Variants in GLIPR2 observed in about 807,000 individuals in gnomAD.
GLIPR2 encodes Golgi-associated plant pathogenesis-related protein 1.
A neutral mutation model predicts 20.4 loss-of-function variants in GLIPR2; 21 were observed. The observed-to-expected ratio is 1.03, with a 90% CI of 0.73 to 1.48. GLIPR2 has a LOEUF of 1.48. Among genes scored for constraint, GLIPR2 ranks in the 40% most tolerant of loss-of-function variants. The pLI, the probability that GLIPR2 is intolerant of heterozygous loss-of-function variation, is 0.00. For synonymous variants in GLIPR2, 91 were observed against 80.5 expected (o/e 1.13, Z -0.70); for missense variants, 205 against 200.1 (o/e 1.02, Z -0.15).
At chr9:36,139,244 G>C (rs1328444348) in intron 1 of GLIPR2, among the ~76,000 whole-genome samples, 1 of 152,070 alleles carries the variant, frequency 6.6e-6, no homozygotes, top group African/African-American at 2.4e-5. Flanking sequence ...TCTCACTCAG[G>C]AGAGGAGGGG....
At chr9:36,147,972 G>A (rs1390958204) in intron 2 of GLIPR2, 78 bp downstream of exon 2, 3 of 785,376 alleles carry the variant, frequency 3.8e-6, no homozygotes, top group Non-Finnish European at 7.0e-6. Context: ...CTGTGGCCAG[G>A]CACGATGGCT....
chr9:36,158,925 C>T (rs752410694), intron 4 of GLIPR2, among the ~76,000 whole-genome samples: 1 of 152,120 alleles, frequency 6.6e-6, no homozygotes, highest in African/African-American at 2.4e-5. Flanking sequence ...ATTAGCTGGG[C>T]GTGATGGTGC....
At chr9:36,142,675 C>G (rs955995312) in intron 1 of GLIPR2, among the ~76,000 whole-genome samples, 2 of 152,140 alleles carry the variant, frequency 1.3e-5, no homozygotes, top group Admixed American at 1.3e-4. Context: ...CTCTCCCTGC[C>G]TAACTGGGAG....
intron 4 of GLIPR2, among the ~76,000 whole-genome samples, chr9:36,156,382 G>T (rs866236310): frequency 0.019 from 1,248 of 67,186 alleles, 21 homozygotes; most frequent in African/African-American, 0.064. Flanking sequence ...GTGAAGCCAT[G>T]TCTAAAAAAA....
At chr9:36,161,881 C>T (rs1826068575) in intron 4 of GLIPR2, among the ~76,000 whole-genome samples, 1 of 152,106 alleles carries the variant, frequency 6.6e-6, no homozygotes, top group African/African-American at 2.4e-5. Flanking sequence ...ATAGAAAGGA[C>T]CTGCTTTAGA....
At chr9:36,146,630 T>C (rs915809117) in intron 1 of GLIPR2, among the ~76,000 whole-genome samples, 4 of 152,238 alleles carry the variant, frequency 2.6e-5, no homozygotes, top group Non-Finnish European at 5.9e-5. Context: ...ATAGGATAGA[T>C]ACTCTCATTC....
In GLIPR2 at chr9:36,162,763, G is replaced by C. The variant is rs899423807; in HGVS notation, c.*241G>C. The stretch of plus-strand genomic sequence containing the variant: ...ACCTAGACCACGATTATTTGGATTG[G>C]GGGGAGGGGGGATCCGTTTTTTTTT... On this transcript the variant is annotated 3_prime_UTR_variant, in exon 5 of 5. Transcript: ENST00000377960. 9.9e-5 allele frequency: 58 copies of C among 583,994 alleles called. No homozygotes were observed. Among genetic ancestry groups the C allele is most frequent in the Admixed American group, 1.5e-4 (5 of 32,640 alleles). 36.2% of individuals were successfully genotyped at this position (583,994 alleles called of 1,614,324 possible).
At chr9:36,148,167 G>A (rs1825418492) in intron 2 of GLIPR2, among the ~76,000 whole-genome samples, 1 of 152,000 alleles carries the variant, frequency 6.6e-6, no homozygotes, top group African/African-American at 2.4e-5. Context: ...AGAATTGCTT[G>A]AACCCGGGAG....
intron 1 of GLIPR2, among the ~76,000 whole-genome samples, chr9:36,143,527 C>A (rs1472552748): frequency 2.0e-5 from 3 of 152,224 alleles, no homozygotes; most frequent in African/African-American, 7.2e-5. Flanking sequence ...CAGATGGGGA[C>A]CCCCGTCACC....
At chr9:36,141,780 A>C in intron 1 of GLIPR2, 1 of 452,278 alleles carries the variant, frequency 2.2e-6, no homozygotes. Context: ...CAGTCTCCCG[A>C]GTAGCTGGGA....
chr9:36,162,758 G>T lies in GLIPR2; in HGVS notation c.*236G>T. ...TGGTTACCTAGACCACGATTATTTGGATTGGGGGGAGGGGGGATCCGTTTT... is the reference window on the plus strand; with the variant it reads ...TGGTTACCTAGACCACGATTATTTGTATTGGGGGGAGGGGGGATCCGTTTT... On this transcript the variant is annotated 3_prime_UTR_variant, in exon 5 of 5. Coordinates refer to ENST00000377960, the MANE Select transcript of GLIPR2 (RefSeq NM_022343.4). The T allele has an allele frequency of 1.8e-6, 1 of 565,078 alleles. No homozygotes were observed. The highest frequency in any genetic ancestry group is 3.1e-6 in the Non-Finnish European group (1 of 318,418). 35.0% of individuals were successfully genotyped at this position (565,078 alleles called of 1,614,324 possible).
intron 4 of GLIPR2, among the ~76,000 whole-genome samples, chr9:36,155,160 GTTTTC>G (rs959781031): frequency 1.1e-4 from 16 of 152,120 alleles, no homozygotes; most frequent in African/African-American, 3.9e-4. Flanking sequence ...CTTAGGGTTT[GTTTTC>G]TTTTCATTCT....
intron 4 of GLIPR2, among the ~76,000 whole-genome samples, chr9:36,160,417 CTGGAGGTGGAAG>C (rs1826006437): frequency 6.6e-6 from 1 of 151,834 alleles, no homozygotes; most frequent in Admixed American, 6.6e-5. Flanking sequence ...CTCCTGAGCC[CTGGAGGTGGAAG>C]CTGAAGTAAG....
rs1440222464 is a variant in GLIPR2 at position 36,147,867 on chromosome 9, G to T, written c.95G>T (p.Cys32Phe). The T allele has an allele frequency of 6.3e-7, 1 of 1,578,138 alleles. No individual in the cohort carries two copies. The highest frequency in any genetic ancestry group is 2.2e-5 in the East Asian group (1 of 44,698). The change falls in exon 2 of 5, where the codon TGC becomes TTC. Residue 32 changes from cysteine to phenylalanine, a missense_variant. By Grantham distance (205) the Cys-to-Phe change is radical. Transcript: ENST00000377960. Reference sequence around the variant, plus strand: ...CACGGCGTCCCCCCACTGAAGCTCTGCAAGAACCTCAACCGGGAGGCTCAA... The same window carrying T: ...CACGGCGTCCCCCCACTGAAGCTCTTCAAGAACCTCAACCGGGAGGCTCAA... ...QKHGVPPLKL[C>F]KNLNREAQQY... is the part of the protein sequence containing the mutation.
At chr9:36,136,711 G>T, upstream of GLIPR2, 1 of 1,115,862 alleles carries the variant, frequency 9.0e-7, no homozygotes, top group South Asian at 4.2e-5. The surrounding 1 kb of genome is among the most constrained non-coding windows in gnomAD (Gnocchi z 4.3). Context: ...TGGGCTCTGG[G>T]GCGGCGCTGG....
At chr9:36,150,850 G>C (rs879598335) in intron 3 of GLIPR2, 22 bp from the exon 4 acceptor site, 8 of 1,591,212 alleles carry the variant, frequency 5.0e-6, no homozygotes, top group Middle Eastern at 1.7e-4. Context: ...CTGAGTTTTA[G>C]AACAATGTCA....
chr9:36,143,974 T>C (rs1359777187), intron 1 of GLIPR2, among the ~76,000 whole-genome samples: 1 of 152,204 alleles, frequency 6.6e-6, no homozygotes, highest in African/African-American at 2.4e-5. Context: ...CTCTCCAGGC[T>C]GAACATCCCC....
At chr9:36,136,726 G>A (rs895004261), upstream of GLIPR2, 29 of 1,198,790 alleles carry the variant, frequency 2.4e-5, no homozygotes, top group Middle Eastern at 3.1e-4. The surrounding 1 kb of genome is among the most constrained non-coding windows in gnomAD (Gnocchi z 4.3). Context: ...CGCTGGGCCG[G>A]GCGAGCGCAG....
chr9:36,150,992 A>G, intron 4 of GLIPR2, 43 bp downstream of exon 4: 4 of 1,394,956 alleles, frequency 2.9e-6, no homozygotes, highest in Non-Finnish European at 4.1e-6. Flanking sequence ...CTGGGCAGCA[A>G]TGCAGGTTGG....
Sources: allele counts gnomAD v4.1 joint callset (sites outside exome capture counted in the v4.1 genomes callset), GRCh38; gene constraint gnomAD v4.1.1; non-coding constraint Gnocchi (gnomAD v3.1); transcripts MANE v1.5; gene names NCBI Gene and HGNC (gene_info 2026-07-23, HGNC 2026-07-21).